Variants in SPOCK1 observed in about 807,000 individuals in gnomAD.
SPOCK1 encodes the protein SPARC (osteonectin), cwcv and kazal like domains proteoglycan 1.
SPOCK1 carries 23 observed loss-of-function variants against 55.3 expected under a neutral mutation model. That is an observed-to-expected ratio of 0.42 (90% confidence interval 0.30 to 0.59). The LOEUF (loss-of-function observed/expected upper bound fraction) is 0.59, where lower values mean the gene tolerates loss of function less well. Ranked by LOEUF, SPOCK1 falls within the 20% of genes least tolerant of loss-of-function variation. The probability of loss-of-function intolerance (pLI) is 0.22; values close to 1 mark genes in which losing one functional copy is unlikely to be tolerated. For missense variants in SPOCK1, 499 were observed against 552.5 expected (o/e 0.90, Z 0.97); for synonymous variants, 226 against 221.0 (o/e 1.02, Z -0.20).
chr5:137,378,424 C>A (rs995642084), intron 2 of SPOCK1, among the ~76,000 whole-genome samples: 8 of 152,230 alleles, frequency 5.3e-5, no homozygotes, highest in Non-Finnish European at 7.3e-5. Context: ...CAGCTCCATA[C>A]ACTGTGGACA....
At chr5:136,985,787 G>T (rs1203315841) in intron 8 of SPOCK1, among the ~76,000 whole-genome samples, 1 of 152,132 alleles carries the variant, frequency 6.6e-6, no homozygotes, top group Non-Finnish European at 1.5e-5. Context: ...CCAGCCTCTG[G>T]GTCCTCAGCG....
chr5:137,122,574 A>G (rs1218127932), intron 4 of SPOCK1, among the ~76,000 whole-genome samples: 1 of 152,158 alleles, frequency 6.6e-6, no homozygotes, highest in Non-Finnish European at 1.5e-5. Flanking sequence ...TATCCCTGAG[A>G]CCTTAGAGGA....
At chr5:137,086,521 C>A (rs1752963103) in intron 5 of SPOCK1, among the ~76,000 whole-genome samples, 1 of 152,142 alleles carries the variant, frequency 6.6e-6, no homozygotes, top group African/African-American at 2.4e-5. Context: ...GGAGGCAGAG[C>A]ATCGTGTACA....
At chr5:137,459,061 T>C (rs1753425140) in intron 2 of SPOCK1, among the ~76,000 whole-genome samples, 1 of 152,210 alleles carries the variant, frequency 6.6e-6, no homozygotes, top group Non-Finnish European at 1.5e-5. Flanking sequence ...TGAGTGAGGC[T>C]GGCAGCCCAA....
intron 6 of SPOCK1, among the ~76,000 whole-genome samples, chr5:137,052,632 C>T (rs1561591867): frequency 6.6e-6 from 1 of 151,786 alleles, no homozygotes; most frequent in East Asian, 1.9e-4. Flanking sequence ...GCTAAATGTT[C>T]AATAATAAAG....
chr5:137,324,142 C>G (rs1758031679), intron 2 of SPOCK1, among the ~76,000 whole-genome samples: 1 of 152,046 alleles, frequency 6.6e-6, no homozygotes, highest in Non-Finnish European at 1.5e-5. Context: ...ATTAGCCAAC[C>G]TTAAAAAAAG....
chr5:136,999,838 G>A (rs559030224), intron 6 of SPOCK1, among the ~76,000 whole-genome samples: 17 of 152,264 alleles, frequency 1.1e-4, no homozygotes, highest in African/African-American at 3.4e-4. Context: ...GGGGATGTCC[G>A]AAAATGGCAA....
At chr5:137,088,880 T>A (rs560483688) in intron 5 of SPOCK1, among the ~76,000 whole-genome samples, 1 of 152,034 alleles carries the variant, frequency 6.6e-6, no homozygotes, top group Non-Finnish European at 1.5e-5. Context: ...TTGGAAAGAA[T>A]GATGTATGGG....
intron 2 of SPOCK1, among the ~76,000 whole-genome samples, chr5:137,292,398 C>A (rs1757386424): frequency 8.6e-6 from 1 of 115,948 alleles, no homozygotes; most frequent in African/African-American, 3.3e-5. Flanking sequence ...CATAGGAAAA[C>A]CCTATGCTGT....
chr5:137,127,114 G>A (rs1002822850), intron 4 of SPOCK1, among the ~76,000 whole-genome samples: 2 of 152,204 alleles, frequency 1.3e-5, no homozygotes, highest in Non-Finnish European at 2.9e-5. Context: ...GTCAGCCATC[G>A]CAACAGAAGC....
chr5:137,027,575 T>G (rs913829090), intron 6 of SPOCK1, among the ~76,000 whole-genome samples: 1 of 152,184 alleles, frequency 6.6e-6, no homozygotes, highest in African/African-American at 2.4e-5. Flanking sequence ...TTAGTTTTAT[T>G]TAATTTTAAT....
At chr5:137,351,149 G>A (rs1034571525) in intron 2 of SPOCK1, among the ~76,000 whole-genome samples, 2 of 152,192 alleles carry the variant, frequency 1.3e-5, no homozygotes, top group African/African-American at 4.8e-5. Context: ...TCTGGACGAA[G>A]AAAAGAGCAT....
At chr5:137,456,141 G>T (rs1753362190) in intron 2 of SPOCK1, among the ~76,000 whole-genome samples, 1 of 152,094 alleles carries the variant, frequency 6.6e-6, no homozygotes, top group African/African-American at 2.4e-5. Context: ...TTTAATAAGT[G>T]AGACTGCTCA....
chr5:136,988,806 T>G, intron 7 of SPOCK1, 163 bp from the exon 8 acceptor site: 1 of 572,460 alleles, frequency 1.7e-6, no homozygotes, highest in Non-Finnish European at 2.9e-6. Flanking sequence ...TAGAATATTT[T>G]GTGTTTTTTT....
intron 2 of SPOCK1, among the ~76,000 whole-genome samples, chr5:137,423,750 C>T (rs1219258826): frequency 6.6e-6 from 1 of 152,204 alleles, no homozygotes. Context: ...CGATGCCTCG[C>T]CCTGCTTCAG....
At chr5:137,345,622 C>G (rs1179704531) in intron 2 of SPOCK1, among the ~76,000 whole-genome samples, 1 of 152,202 alleles carries the variant, frequency 6.6e-6, no homozygotes, top group African/African-American at 2.4e-5. Flanking sequence ...AGCTCTGGCT[C>G]TATTCCAAAA....
chr5:137,054,712 C>T (rs892196249), intron 6 of SPOCK1, among the ~76,000 whole-genome samples: 2 of 152,164 alleles, frequency 1.3e-5, no homozygotes, highest in African/African-American at 4.8e-5. Context: ...GGAGAATAAA[C>T]AACTCATAAT....
chr5:137,196,314 A>T (rs912570650), intron 3 of SPOCK1, among the ~76,000 whole-genome samples: 1 of 152,054 alleles, frequency 6.6e-6, no homozygotes, highest in African/African-American at 2.4e-5. Context: ...CACTTTTCAT[A>T]ACATAAATCT....
chr5:137,298,954 T>A (rs1419504436), intron 2 of SPOCK1, among the ~76,000 whole-genome samples: 1 of 152,168 alleles, frequency 6.6e-6, no homozygotes, highest in Non-Finnish European at 1.5e-5. Context: ...AATTTCTGAT[T>A]TTTACATGAA....
Sources: allele counts gnomAD v4.1 joint callset (sites outside exome capture counted in the v4.1 genomes callset), GRCh38; gene constraint gnomAD v4.1.1; transcripts MANE v1.5; gene names NCBI Gene and HGNC (gene_info 2026-07-23, HGNC 2026-07-21).